PHF20L1: variants seen among roughly 807,000 people sequenced by gnomAD.
PHF20L1 encodes the protein PHD finger protein 20 like 1.
In PHF20L1, 44 loss-of-function variants were observed where a neutral mutation model predicts 125.5. That is an observed-to-expected ratio of 0.35 (90% CI 0.28 to 0.45). The LOEUF is 0.45. PHF20L1 is among the 20% of genes least tolerant of loss of function. The pLI is 1.00. For missense variants in PHF20L1, 1,012 were observed against 1,217.2 expected (o/e 0.83, Z 2.51); for synonymous variants, 380 against 403.1 (o/e 0.94, Z 0.69).
At chr8:132,801,255 A>G (rs751973723) in intron 6 of PHF20L1, among the ~76,000 whole-genome samples, 2 of 151,742 alleles carry the variant, frequency 1.3e-5, no homozygotes, top group African/African-American at 2.4e-5. Flanking sequence ...GTTGGCTTAT[A>G]GGTCCTTTGC....
intron 9 of PHF20L1, chr8:132,813,101 G>A: frequency 1.2e-5 from 12 of 966,180 alleles, no homozygotes; most frequent in Non-Finnish European, 1.5e-5. Context: ...TTAAAATCTT[G>A]TTTTATAACT....
chr8:132,803,764 A>G, intron 6 of PHF20L1, 55 bp from the exon 7 acceptor site: 1 of 922,868 alleles, frequency 1.1e-6, no homozygotes, highest in African/African-American at 1.7e-5. Context: ...TATTAGTGTA[A>G]TTACATTTTA....
At chr8:132,845,391 A>G (rs1306679502) in intron 20 of PHF20L1, among the ~76,000 whole-genome samples, 1 of 152,066 alleles carries the variant, frequency 6.6e-6, no homozygotes, top group Non-Finnish European at 1.5e-5. Flanking sequence ...AGTCTAAATT[A>G]ATAGAAAGCT....
Position 132,842,567 on chromosome 8 carries a change from G to T in PHF20L1, c.2440G>T (p.Asp814Tyr), listed in dbSNP as rs1274881333. The T allele has an allele frequency of 6.2e-7, 1 of 1,611,882 alleles. No homozygotes were observed. The highest frequency in any genetic ancestry group is 1.3e-5 in the African/African-American group (1 of 74,656). Residue 814 changes from aspartate (D) to tyrosine (Y), a missense_variant, in exon 19 of 21, where the codon GAC becomes TAC. By Grantham distance (160) the Asp-to-Tyr change is radical. Around this residue, in one of 7 missense-constraint regions of PHF20L1, gnomAD observed 277 missense variants for 283.6 expected, o/e 0.98. Coordinates refer to ENST00000395386, the MANE Select transcript of PHF20L1 (RefSeq NM_016018.5). ...HLWACSGKRK[D>Y]QDQIIAGVEK... ...CTGGGCTTGTTCCGGGAAGCGAAAA[G>T]ACCAAGATCAAATAATAGCTGGGGT... is the stretch of plus-strand genomic sequence containing the variant.
chr8:132,817,713 T>A, intron 12 of PHF20L1, 168 bp downstream of exon 12: 1 of 593,320 alleles, frequency 1.7e-6, no homozygotes, highest in Non-Finnish European at 3.0e-6. Flanking sequence ...TTAAAGGTCT[T>A]TTGTGTGATC....
intron 18 of PHF20L1, among the ~76,000 whole-genome samples, chr8:132,840,056 A>G (rs1837774883): frequency 6.6e-6 from 1 of 152,080 alleles, no homozygotes. Context: ...ATCCCATACA[A>G]TTTTCTCTTA....
chr8:132,811,107 A>C lies in PHF20L1; in HGVS notation c.909A>C (p.Glu303Asp). 1 of 1,613,298 alleles carries C rather than the reference A, an allele frequency of 6.2e-7. No homozygotes were observed. The highest frequency in any genetic ancestry group is 8.5e-7 in the Non-Finnish European group (1 of 1,179,326). ...CTGAAAAAAAGGAAGACTACAATGAAACAGCTCCAATGCTGGAGCAGGTAT... is the reference window on the plus strand; with the variant it reads ...CTGAAAAAAAGGAAGACTACAATGACACAGCTCCAATGCTGGAGCAGGTAT... ...DGAEKKEDYN[E>D]TAPMLEQAIS... Residue 303 changes from glutamate (E) to aspartate (D), a missense_variant, in exon 9 of 21, where the codon GAA becomes GAC. Physicochemically the swap from Glu to Asp is conservative, Grantham distance 45. This residue lies in a region of PHF20L1 where 119 missense variants were observed against 160.2 expected (regional missense o/e 0.74). Transcript: ENST00000395386.
rs886677921 is a variant in PHF20L1, at chr8:132,846,090, T to C, written c.*167T>C. Reference sequence around the variant, plus strand: ...TGGAAAGAAAAATGAAGAACAACTTTATCAAGGAAGCTAGTATTTAAAAAC... The same window carrying C: ...TGGAAAGAAAAATGAAGAACAACTTCATCAAGGAAGCTAGTATTTAAAAAC... On this transcript the variant is annotated 3_prime_UTR_variant, in exon 21 of 21. Coordinates refer to ENST00000395386, the MANE Select transcript of PHF20L1 (RefSeq NM_016018.5). 1 of 532,424 alleles carries C rather than the reference T, an allele frequency of 1.9e-6. No homozygotes were observed. The allele number at this position is 532,424 out of a possible 1,614,324, so 33.0% of individuals were successfully genotyped here. A position where few individuals can be genotyped will look rare whatever the true frequency, so the allele number is the denominator to read the frequency against.
Position 132,775,560 on chromosome 8 carries a change from A to G in PHF20L1, c.-123A>G. The G allele has an allele frequency of 2.8e-6, 1 of 361,742 alleles. No homozygotes were observed. Among genetic ancestry groups the G allele is most frequent in the East Asian group, 4.0e-5 (1 of 24,726 alleles). 22.4% of individuals were successfully genotyped at this position (361,742 alleles called of 1,614,324 possible). ...CCGGCCGCTGCCTGGGCGGAGGCAG[A>G]GGCAGAGGCCCGGGCTGGCCGCCCT... On this transcript the variant is annotated 5_prime_UTR_variant, in exon 1 of 21. Transcript: ENST00000395386.
chr8:132,809,156 A>G (rs1834074650), intron 8 of PHF20L1: 1 of 151,732 alleles, frequency 6.6e-6, no homozygotes, highest in South Asian at 2.1e-4. Flanking sequence ...AATTTTTTTA[A>G]TTTATTTATC....
In PHF20L1 at chr8:132,817,496, T is replaced by C; in HGVS notation, c.1530T>C (p.Asn510=). The C allele has an allele frequency of 6.2e-7, 1 of 1,612,116 alleles. No homozygotes were observed. Among genetic ancestry groups the C allele is most frequent in the East Asian group, 2.2e-5 (1 of 44,742 alleles). The change falls in exon 12 of 21, where the codon AAT becomes AAC. Residue 510 remains asparagine, a synonymous_variant. Transcript: ENST00000395386. ...AEKEDTQMLP[N]PSSKAIADGR... ...AAGAGGATACACAGATGCTTCCAAA[T>C]CCTTCTTCCAAAGCAATAGCTGATG...
chr8:132,824,904 AT>A, intron 13 of PHF20L1: 2 of 536,354 alleles, frequency 3.7e-6, no homozygotes, highest in Non-Finnish European at 5.4e-6. Flanking sequence ...CTCTCATTAA[AT>A]TACATATGGA....
chr8:132,821,929 A>G (rs1835648703), intron 12 of PHF20L1, among the ~76,000 whole-genome samples: 1 of 151,946 alleles, frequency 6.6e-6, no homozygotes, highest in Non-Finnish European at 1.5e-5. Flanking sequence ...AAATTCTAGC[A>G]CGTGGTAAAA....
At chr8:132,814,324 G>C (rs888570405) in intron 9 of PHF20L1, among the ~76,000 whole-genome samples, 12 of 151,836 alleles carry the variant, frequency 7.9e-5, no homozygotes, top group African/African-American at 2.7e-4. Context: ...GGTTCCTAAA[G>C]GGGTATATTT....
intron 4 of PHF20L1, among the ~76,000 whole-genome samples, chr8:132,796,764 T>A (rs1832435657): frequency 6.6e-6 from 1 of 152,050 alleles, no homozygotes; most frequent in Non-Finnish European, 1.5e-5. Flanking sequence ...TCCGAGTGTC[T>A]AGTCCAGAGC....
In PHF20L1 at chr8:132,848,190, T is replaced by G. The variant is rs1482866662; in HGVS notation, c.*2267T>G. The G allele has an allele frequency of 6.6e-6, 1 of 152,142 alleles. No homozygotes were observed. Among genetic ancestry groups the G allele is most frequent in the Non-Finnish European group, 1.5e-5 (1 of 67,964 alleles). The allele number at this position is 152,142 out of a possible 1,614,324, so 9.4% of individuals were successfully genotyped here. On this transcript the variant is annotated 3_prime_UTR_variant, in exon 21 of 21. Coordinates refer to ENST00000395386, the MANE Select transcript of PHF20L1 (RefSeq NM_016018.5). ...TCAATTTATTTGTTAGCCAGCAAAT[T>G]GAAAATTCCATTATTAGATTAATGA...
intron 4 of PHF20L1, among the ~76,000 whole-genome samples, chr8:132,796,856 C>G (rs1422597712): frequency 6.6e-6 from 1 of 151,992 alleles, no homozygotes; most frequent in East Asian, 1.9e-4. Context: ...ATAAGATGTA[C>G]CCAAAACAAA....
chr8:132,840,400 C>T (rs1039950964), intron 18 of PHF20L1, among the ~76,000 whole-genome samples: 6 of 152,060 alleles, frequency 3.9e-5, no homozygotes, highest in African/African-American at 1.4e-4. Flanking sequence ...GAACGATTGC[C>T]ATGCTTGTCC....
At chr8:132,811,400 A>T in intron 9 of PHF20L1, 1 of 1,129,056 alleles carries the variant, frequency 8.9e-7, no homozygotes, top group Non-Finnish European at 1.1e-6. Flanking sequence ...TTCCAGCTGG[A>T]TCACCTTTAA....
Sources: allele counts gnomAD v4.1 joint callset (sites outside exome capture counted in the v4.1 genomes callset), GRCh38; gene constraint gnomAD v4.1.1; regional missense constraint gnomAD v4.1.1; transcripts MANE v1.5; gene names NCBI Gene and HGNC (gene_info 2026-07-23, HGNC 2026-07-21).